The following ZNF385D variants were observed in gnomAD, a reference collection of about 807,000 sequenced individuals.
ZNF385D encodes the protein zinc finger protein 659.
ZNF385D carries 15 observed loss-of-function variants against 35.8 expected under a neutral mutation model. The ratio of observed to expected loss-of-function variants is 0.42; its 90% CI spans 0.28 to 0.64. The LOEUF is 0.64. ZNF385D is among the 30% of genes least tolerant of loss of function. The pLI, the probability that ZNF385D is intolerant of heterozygous loss-of-function variation, is 0.23. For synonymous variants in ZNF385D, 212 were observed against 186.8 expected (o/e 1.13, Z -1.10); for missense variants, 474 against 494.6 (o/e 0.96, Z 0.39).
chr3:22,236,789 T>TA (rs1699208967), intron 2 of ZNF385D, among the ~76,000 whole-genome samples: 1 of 152,214 alleles, frequency 6.6e-6, no homozygotes, highest in Non-Finnish European at 1.5e-5. Context: ...GCATTTTATA[T>TA]AAATAGAATC....
intron 1 of ZNF385D, among the ~76,000 whole-genome samples, chr3:21,701,764 A>C (rs1242781990): frequency 6.6e-6 from 1 of 152,200 alleles, no homozygotes; most frequent in Non-Finnish European, 1.5e-5. Flanking sequence ...AAACTGGCCA[A>C]AACAAGGGAT....
intron 3 of ZNF385D, among the ~76,000 whole-genome samples, chr3:21,900,457 G>A (rs1049651616): frequency 1.3e-5 from 2 of 152,030 alleles, no homozygotes; most frequent in African/African-American, 4.8e-5. Context: ...TATCTTTGCT[G>A]ATTACTATAA....
chr3:21,724,477 C>CAAAAAAAAAA lies in ZNF385D; in HGVS notation c.22+26408_22+26417dup, dbSNP rs200803155. Among the ~76,000 whole-genome samples, 10 of 52,016 alleles carry CAAAAAAAAAA rather than the reference C, an allele frequency of 1.9e-4. 1 individual carries two copies. The highest frequency in any genetic ancestry group is 8.9e-4 in the South Asian group (1 of 1,126). The allele number at this position is 52,016 out of a possible 152,430, so 34.1% of individuals were successfully genotyped here. A position where few individuals can be genotyped will look rare whatever the true frequency, so the allele number is the denominator to read the frequency against. On this transcript the variant is annotated intron_variant, in intron 1 of 7. Coordinates refer to ENST00000281523, the MANE Select transcript of ZNF385D (RefSeq NM_024697.3). ...AATATTTACCAAGCAAATGGAAAGCCAAAAAAAAAAAAAAAAAAAAAAAAA... is the reference window on the plus strand; with the variant it reads ...AATATTTACCAAGCAAATGGAAAGCCAAAAAAAAAAAAAAAAAAAAAAAAAAAAAAAAAAA...
At chr3:22,121,223 A>G (rs920075629) in intron 3 of ZNF385D, among the ~76,000 whole-genome samples, 1 of 152,130 alleles carries the variant, frequency 6.6e-6, no homozygotes, top group Non-Finnish European at 1.5e-5. Flanking sequence ...AGCGATCTGT[A>G]AATAATTGAC....
intron 3 of ZNF385D, among the ~76,000 whole-genome samples, chr3:22,047,984 T>A (rs1189395471): frequency 1.3e-5 from 2 of 152,194 alleles, no homozygotes; most frequent in Admixed American, 1.3e-4. Context: ...AATTTGCATT[T>A]CCCTGATGAT....
chr3:22,026,952 T>C (rs148261218), intron 3 of ZNF385D, among the ~76,000 whole-genome samples: 4 of 152,302 alleles, frequency 2.6e-5, no homozygotes, highest in Non-Finnish European at 5.9e-5. Context: ...ATTTCAGCTG[T>C]TGCACCACAT....
At chr3:22,022,783 A>C (rs2125458390) in intron 3 of ZNF385D, among the ~76,000 whole-genome samples, 1 of 152,304 alleles carries the variant, frequency 6.6e-6, no homozygotes, top group Middle Eastern at 3.4e-3. Context: ...TTAAAAATAT[A>C]TGGAGAAATA....
intron 3 of ZNF385D, among the ~76,000 whole-genome samples, chr3:22,002,559 T>C (rs1392863623): frequency 6.6e-6 from 1 of 152,146 alleles, no homozygotes; most frequent in Non-Finnish European, 1.5e-5. Flanking sequence ...GAGAAGGGAA[T>C]TCTTTCTAAC....
intron 2 of ZNF385D, among the ~76,000 whole-genome samples, chr3:22,199,662 T>C (rs1481457483): frequency 6.6e-6 from 1 of 152,154 alleles, no homozygotes; most frequent in East Asian, 1.9e-4. Flanking sequence ...TTAGCCTCAT[T>C]GTTCAGATGG....
intron 3 of ZNF385D, among the ~76,000 whole-genome samples, chr3:21,513,819 T>G (rs1333733762): frequency 6.6e-6 from 1 of 152,168 alleles, no homozygotes; most frequent in Non-Finnish European, 1.5e-5. Context: ...AGCATAATTT[T>G]TTCTAATTTA....
At chr3:21,500,328 A>G (rs1216486176) in intron 4 of ZNF385D, among the ~76,000 whole-genome samples, 1 of 152,196 alleles carries the variant, frequency 6.6e-6, no homozygotes, top group African/African-American at 2.4e-5. Flanking sequence ...ACTATTTGCT[A>G]GGTTTAATGT....
intron 3 of ZNF385D, among the ~76,000 whole-genome samples, chr3:21,969,991 G>T (rs947032881): frequency 6.6e-6 from 1 of 152,176 alleles, no homozygotes; most frequent in South Asian, 2.1e-4. Flanking sequence ...AAGAGTTACT[G>T]TGTTATTGAG....
At chr3:22,067,994 A>G (rs1428050188) in intron 3 of ZNF385D, among the ~76,000 whole-genome samples, 1 of 142,292 alleles carries the variant, frequency 7.0e-6, no homozygotes, top group Non-Finnish European at 1.5e-5. Context: ...GCCTGGTGAA[A>G]GAGCAAGACT....
intron 2 of ZNF385D, among the ~76,000 whole-genome samples, chr3:21,628,894 G>T (rs1189335434): frequency 6.6e-6 from 1 of 151,986 alleles, no homozygotes; most frequent in Non-Finnish European, 1.5e-5. Context: ...CCTTAAATGT[G>T]ACCTAAAATA....
chr3:21,906,192 A>G (rs886971261), intron 3 of ZNF385D, among the ~76,000 whole-genome samples: 1 of 152,144 alleles, frequency 6.6e-6, no homozygotes, highest in Non-Finnish European at 1.5e-5. Flanking sequence ...TCTTCAAAGT[A>G]CCTACTATTT....
At chr3:22,311,827 C>G (rs1703569644) in intron 2 of ZNF385D, among the ~76,000 whole-genome samples, 1 of 152,200 alleles carries the variant, frequency 6.6e-6, no homozygotes, top group African/African-American at 2.4e-5. Context: ...CTATTATGAA[C>G]TCTGTCAAGC....
chr3:21,737,511 C>T (rs533770364), intron 1 of ZNF385D, among the ~76,000 whole-genome samples: 2 of 151,558 alleles, frequency 1.3e-5, no homozygotes, highest in East Asian at 1.9e-4. Flanking sequence ...TAGATAGATA[C>T]GTATGTATAC....
At chr3:21,740,620 G>C (rs1221629246) in intron 1 of ZNF385D, among the ~76,000 whole-genome samples, 1 of 152,084 alleles carries the variant, frequency 6.6e-6, no homozygotes, top group Non-Finnish European at 1.5e-5. Context: ...GTGTAATCAG[G>C]CCCACACGTC....
intron 1 of ZNF385D, among the ~76,000 whole-genome samples, chr3:21,735,894 A>G (rs2069220506): frequency 6.6e-6 from 1 of 152,230 alleles, no homozygotes; most frequent in South Asian, 2.1e-4. Context: ...AGACTCTAAC[A>G]GCAAGGGCTG....
Sources: gnomAD v4.1 joint callset for allele counts (sites outside exome capture counted in the v4.1 genomes callset) on GRCh38, gnomAD v4.1.1 for gene constraint, MANE v1.5 for transcripts, NCBI Gene and HGNC (gene_info 2026-07-23, HGNC 2026-07-21) for gene names.